WDFY3: variants seen among roughly 807,000 people sequenced by gnomAD.
The protein encoded by WDFY3 is WD repeat and FYVE domain-containing protein 3.
WDFY3 carries 66 observed loss-of-function variants against 409.6 expected under a neutral mutation model. The observed-to-expected ratio is 0.16, with a 90% CI of 0.13 to 0.20. WDFY3 has a LOEUF of 0.20. Among genes scored for constraint, WDFY3 ranks in the 10% least tolerant of loss-of-function variants. The pLI is 1.00. For missense variants in WDFY3, 3,031 were observed against 4,298.1 expected, an observed-to-expected ratio of 0.71 and a Z score of 8.24; for synonymous variants, 1,521 against 1,537.1, an observed-to-expected ratio of 0.99 and a Z score of 0.25.
At position 84,740,418 on chromosome 4, in the gene WDFY3, TAA is replaced by T; in HGVS notation, c.6235-4_6235-3del. Reference sequence around the variant, plus strand: ...CAATCCCTGTGATCTTCTCTTTGACTAAAGACATGAAAGGTATGTTTTTAGTA... The same window carrying T: ...CAATCCCTGTGATCTTCTCTTTGACTAGACATGAAAGGTATGTTTTTAGTA... On this transcript the variant is annotated splice_polypyrimidine_tract_variant and splice_region_variant and intron_variant, in intron 38 of 67. Coordinates refer to ENST00000295888, the MANE Select transcript of WDFY3 (RefSeq NM_014991.6). The T allele has an allele frequency of 1.9e-6, 3 of 1,613,792 alleles. No individual in the cohort carries two copies. Among genetic ancestry groups the T allele is most frequent in the Non-Finnish European group, 2.5e-6 (3 of 1,179,692 alleles).
At chr4:84,944,863 T>C (rs956367953) in intron 1 of WDFY3, among the ~76,000 whole-genome samples, 10 of 152,178 alleles carry the variant, frequency 6.6e-5, no homozygotes, top group East Asian at 5.8e-4. Context: ...TCTTAAGTTT[T>C]GGGAACTTAT....
intron 3 of WDFY3, among the ~76,000 whole-genome samples, chr4:84,892,528 C>A (rs965833048): frequency 1.3e-5 from 2 of 152,104 alleles, no homozygotes; most frequent in Admixed American, 6.6e-5. Context: ...ATTTCCTATG[C>A]ATCAGGTTCA....
chr4:84,753,657 T>C (rs879942163), intron 35 of WDFY3, 40 bp downstream of exon 35: 7 of 1,510,110 alleles, frequency 4.6e-6, no homozygotes, highest in Non-Finnish European at 5.3e-6. Flanking sequence ...AGTTCTGACA[T>C]TCTAATTCCA....
intron 2 of WDFY3, among the ~76,000 whole-genome samples, chr4:84,924,281 T>A (rs1274120463): frequency 1.3e-5 from 2 of 152,254 alleles, no homozygotes; most frequent in Admixed American, 6.5e-5. Flanking sequence ...TTGCAGAGGT[T>A]TCTACAATGT....
intron 2 of WDFY3, among the ~76,000 whole-genome samples, chr4:84,924,402 T>C (rs1769703157): frequency 6.6e-6 from 1 of 152,226 alleles, no homozygotes; most frequent in Admixed American, 6.5e-5. Context: ...CACATTTAGT[T>C]GACCATTTAA....
At chr4:84,944,757 A>C (rs1434701593) in intron 1 of WDFY3, among the ~76,000 whole-genome samples, 2 of 152,152 alleles carry the variant, frequency 1.3e-5, no homozygotes, top group African/African-American at 4.8e-5. Context: ...ACGCCACTGC[A>C]CTCCAGCCTG....
At chr4:84,685,170 T>C (rs1205447884) in intron 62 of WDFY3, among the ~76,000 whole-genome samples, 1 of 152,164 alleles carries the variant, frequency 6.6e-6, no homozygotes, top group Admixed American at 6.5e-5. Context: ...CCTCAGGAGA[T>C]ATATAAGAAC....
chr4:84,905,611 C>T (rs1766940931), intron 2 of WDFY3, among the ~76,000 whole-genome samples: 1 of 152,186 alleles, frequency 6.6e-6, no homozygotes, highest in Admixed American at 6.5e-5. Flanking sequence ...GCTTTCTCTC[C>T]TTTGCAGACA....
chr4:84,823,977 T>C (rs887137944), intron 10 of WDFY3, among the ~76,000 whole-genome samples: 5 of 152,156 alleles, frequency 3.3e-5, no homozygotes, highest in Non-Finnish European at 7.4e-5. Flanking sequence ...TTTATATAAA[T>C]GTCCACTGTA....
In WDFY3 at chr4:84,757,470, C is replaced by T. The variant is rs1165888560; in HGVS notation, c.5189-309G>A. ...GTTCTACTTATTAAATGAAAGACCT[C>T]AGAAGAGCTCTAGTGTTCTTGTAGT... On this transcript the variant is annotated intron_variant, in intron 32 of 67. Coordinates refer to ENST00000295888, the MANE Select transcript of WDFY3 (RefSeq NM_014991.6). Among the ~76,000 whole-genome samples the T allele has an allele frequency of 2.0e-5, 3 of 152,264 alleles. No individual in the cohort carries two copies. The East Asian group carries it at 5.8e-4, about 29-fold the overall frequency.
chr4:84,836,866 T>C (rs976775833), intron 7 of WDFY3, 63 bp downstream of exon 7: 11 of 1,299,146 alleles, frequency 8.5e-6, no homozygotes, highest in African/African-American at 3.0e-5. Context: ...AAAACATCTA[T>C]TTAGGAAGTA....
chr4:84,841,753 A>T (rs552912557), intron 5 of WDFY3, among the ~76,000 whole-genome samples: 92 of 152,342 alleles, frequency 6.0e-4, no homozygotes, highest in African/African-American at 2.1e-3. Context: ...TAAAAAATAG[A>T]GATGCCTAAT....
At chr4:84,905,445 T>C (rs1331589958) in intron 2 of WDFY3, among the ~76,000 whole-genome samples, 1 of 152,178 alleles carries the variant, frequency 6.6e-6, no homozygotes, top group African/African-American at 2.4e-5. Flanking sequence ...ACCTGAGTAT[T>C]TTCCTTGCTT....
At chr4:84,961,774 T>C (rs554314485) in intron 1 of WDFY3, among the ~76,000 whole-genome samples, 13 of 152,180 alleles carry the variant, frequency 8.5e-5, no homozygotes, top group Non-Finnish European at 1.6e-4. Flanking sequence ...GGCTAAAGTT[T>C]TAATAACTGA....
Position 84,794,610 on chromosome 4 carries a change from A to G in WDFY3, c.3396T>C (p.Ser1132=), listed in dbSNP as rs1485563837. The G allele has an allele frequency of 2.5e-6, 4 of 1,614,036 alleles. No homozygotes were observed. The highest frequency in any genetic ancestry group is 4.5e-5 in the East Asian group (2 of 44,882). Residue 1132 remains serine (S), a synonymous_variant, in exon 21 of 68, where the codon TCT becomes TCC. Transcript: ENST00000295888. The stretch of plus-strand genomic sequence containing the variant: ...TTGCAAGGCACACGTAATGTTGCTC[A>G]GAAGAATTTGCTCGGCGCACAACAG... The part of the protein sequence containing the change: ...LLTVVRRANS[S]EQHYVCLAIV...
rs753235981 is a variant in WDFY3 at position 84,735,135 on chromosome 4, A to G, written c.6916-15T>C. On this transcript the variant is annotated splice_polypyrimidine_tract_variant and intron_variant, in intron 42 of 67. Transcript: ENST00000295888. ...TGCGAAATCTCCTAACAATGGATGG[A>G]AAAAGAGTCTTAATATTTCATGGAT... 3.7e-6 allele frequency: 6 copies of G among 1,604,200 alleles called. No individual in the cohort carries two copies. Among genetic ancestry groups the G allele is most frequent in the Middle Eastern group, 1.7e-4 (1 of 5,974 alleles).
chr4:84,794,839 T>A, intron 20 of WDFY3, 40 bp downstream of exon 20: 1 of 1,536,230 alleles, frequency 6.5e-7, no homozygotes, highest in Non-Finnish European at 8.7e-7. Context: ...TATAATCTAC[T>A]AGAAAAAAAA....
At chr4:84,958,256 G>T (rs1196894348) in intron 1 of WDFY3, among the ~76,000 whole-genome samples, 1 of 152,156 alleles carries the variant, frequency 6.6e-6, no homozygotes, top group African/African-American at 2.4e-5. Context: ...CATTGCACCA[G>T]CACTAAATGC....
At chr4:84,725,843 AT>A (rs1181458501) in intron 45 of WDFY3, among the ~76,000 whole-genome samples, 1 of 152,136 alleles carries the variant, frequency 6.6e-6, no homozygotes, top group East Asian at 1.9e-4. Flanking sequence ...ACTGAACCAA[AT>A]TTTAGATAAA....
Sources: gnomAD v4.1 joint callset for allele counts (sites outside exome capture counted in the v4.1 genomes callset) on GRCh38, gnomAD v4.1.1 for gene constraint, MANE v1.5 for transcripts, NCBI Gene and HGNC (gene_info 2026-07-23, HGNC 2026-07-21) for gene names.